Variants in MYRIP observed in about 807,000 individuals in gnomAD.
The protein encoded by MYRIP is rab effector MyRIP.
Under a neutral mutation model 98.0 loss-of-function variants are expected in MYRIP, and 49 were observed. The ratio of observed to expected loss-of-function variants is 0.50; its 90% confidence interval spans 0.40 to 0.63. The LOEUF is 0.63. Among genes scored for constraint, MYRIP ranks in the 30% least tolerant of loss-of-function variants. The pLI is 0.00. For missense variants in MYRIP, 1,004 were observed against 1,058.2 expected (o/e 0.95, Z 0.71); for synonymous variants, 404 against 409.5 (o/e 0.99, Z 0.16).
At chr3:40,105,370 G>T (rs1327912180) in intron 3 of MYRIP, among the ~76,000 whole-genome samples, 1 of 152,094 alleles carries the variant, frequency 6.6e-6, no homozygotes, top group Non-Finnish European at 1.5e-5. Context: ...GCTGAGACTG[G>T]GTAATTTATA....
At chr3:39,987,652 G>A (rs905844665) in intron 2 of MYRIP, among the ~76,000 whole-genome samples, 2 of 152,138 alleles carry the variant, frequency 1.3e-5, no homozygotes, top group African/African-American at 4.8e-5. Flanking sequence ...TTTATCCACA[G>A]CCTTGCCAGC....
chr3:39,946,971 G>T (rs978889706), intron 2 of MYRIP, among the ~76,000 whole-genome samples: 40 of 152,140 alleles, frequency 2.6e-4, no homozygotes, highest in African/African-American at 9.4e-4. Context: ...CGCTAAAGGC[G>T]AAAAGCATTA....
chr3:40,146,795 C>A (rs989871948), intron 3 of MYRIP, among the ~76,000 whole-genome samples: 6 of 152,108 alleles, frequency 3.9e-5, no homozygotes, highest in African/African-American at 1.4e-4. Flanking sequence ...ACACACCCCA[C>A]CACAAGTTCC....
intron 2 of MYRIP, among the ~76,000 whole-genome samples, chr3:40,040,904 C>T (rs369060072): frequency 0.028 from 2,008 of 72,416 alleles, 41 homozygotes; most frequent in Middle Eastern, 0.044. Context: ...GTGGGTGCAG[C>T]GCACCAGCAT....
At chr3:40,200,058 T>TA (rs913249085) in intron 10 of MYRIP, among the ~76,000 whole-genome samples, 2 of 150,824 alleles carry the variant, frequency 1.3e-5, no homozygotes, top group African/African-American at 4.9e-5. Flanking sequence ...CCTTCCAAGA[T>TA]AAACTCGTTG....
At chr3:39,910,537 C>G (rs1358233401) in intron 2 of MYRIP, among the ~76,000 whole-genome samples, 1 of 152,148 alleles carries the variant, frequency 6.6e-6, no homozygotes, top group South Asian at 2.1e-4. Context: ...GCATTAAGCA[C>G]TTTGAGTATG....
intron 1 of MYRIP, among the ~76,000 whole-genome samples, chr3:39,818,641 ATTGTTTCTT>A (rs1941003232): frequency 6.6e-6 from 1 of 152,094 alleles, no homozygotes; most frequent in Non-Finnish European, 1.5e-5. Flanking sequence ...TAGACTTTTG[ATTGTTTCTT>A]TAATTTTGGG....
At chr3:40,215,034 C>T (rs968411740) in intron 11 of MYRIP, among the ~76,000 whole-genome samples, 1 of 152,092 alleles carries the variant, frequency 6.6e-6, no homozygotes, top group Non-Finnish European at 1.5e-5. Context: ...ACATAAGTAT[C>T]ATTTGCAATA....
At chr3:40,153,554 C>CA (rs1455222352) in intron 4 of MYRIP, among the ~76,000 whole-genome samples, 1 of 152,218 alleles carries the variant, frequency 6.6e-6, no homozygotes, top group Admixed American at 6.5e-5. Flanking sequence ...TTAATTACTG[C>CA]TGAATTTTTG....
chr3:40,244,995 T>C (rs73827178), intron 13 of MYRIP, among the ~76,000 whole-genome samples: 11 of 152,186 alleles, frequency 7.2e-5, no homozygotes, highest in Non-Finnish European at 1.3e-4. Flanking sequence ...CATTATAGAC[T>C]GAAAGCTCCA....
At chr3:40,102,047 C>T (rs1476896918) in intron 3 of MYRIP, among the ~76,000 whole-genome samples, 2 of 152,184 alleles carry the variant, frequency 1.3e-5, no homozygotes, top group Non-Finnish European at 2.9e-5. Flanking sequence ...ATGCTCCAGT[C>T]TCCTACTGGG....
In MYRIP at chr3:40,003,172, G is replaced by T. The variant is rs1435024285; in HGVS notation, c.111-40878G>T. ...ACATCTATAGATATAAATACAGATA[G>T]ATATAAATACATATATAGATATCTA... On this transcript the variant is annotated intron_variant, in intron 2 of 16. Coordinates refer to ENST00000302541, the MANE Select transcript of MYRIP (RefSeq NM_015460.4). 2.0e-5 allele frequency among the ~76,000 whole-genome samples: 3 copies of T among 151,942 alleles called. No homozygotes were observed. The South Asian group carries it at 6.2e-4, about 31-fold the overall frequency.
intron 3 of MYRIP, among the ~76,000 whole-genome samples, chr3:40,057,262 A>G (rs1947904603): frequency 1.3e-5 from 2 of 152,280 alleles, no homozygotes; most frequent in Non-Finnish European, 2.9e-5. Context: ...GTCCTATGTC[A>G]AAAGCTGCCA....
intron 16 of MYRIP, among the ~76,000 whole-genome samples, chr3:40,255,021 G>C (rs1319094887): frequency 6.6e-6 from 1 of 152,118 alleles, no homozygotes; most frequent in Non-Finnish European, 1.5e-5. Flanking sequence ...ACATCCTTTT[G>C]AAATAAAAGT....
intron 12 of MYRIP, among the ~76,000 whole-genome samples, chr3:40,243,158 G>A (rs2125711909): frequency 6.6e-6 from 1 of 152,248 alleles, no homozygotes; most frequent in East Asian, 1.9e-4. Flanking sequence ...TGTATGACTG[G>A]TGAATCATTT....
intron 3 of MYRIP, among the ~76,000 whole-genome samples, chr3:40,139,782 G>T (rs979870928): frequency 5.3e-5 from 8 of 152,104 alleles, no homozygotes; most frequent in Non-Finnish European, 1.0e-4. Context: ...GTTTTGTCAT[G>T]TTGCCCAAGC....
intron 8 of MYRIP, among the ~76,000 whole-genome samples, chr3:40,172,780 C>A (rs1467406528): frequency 6.6e-6 from 1 of 152,168 alleles, no homozygotes; most frequent in African/African-American, 2.4e-5. Flanking sequence ...CTTCCTTCCC[C>A]CACACAGCCA....
intron 2 of MYRIP, among the ~76,000 whole-genome samples, chr3:39,960,516 C>T (rs145092138): frequency 0.015 from 2,222 of 152,202 alleles, 25 homozygotes; most frequent in Middle Eastern, 0.044. Context: ...AGTTGACCTG[C>T]TCTCTTGTTT....
Position 40,184,362 on chromosome 3 carries a change from T to TA in MYRIP, c.1027+1997dup, listed in dbSNP as rs897725388. Among the ~76,000 whole-genome samples the TA allele has an allele frequency of 1.8e-4, 27 of 152,154 alleles. 1 individual carries two copies. Among genetic ancestry groups the TA allele is most frequent in the African/African-American group, 3.1e-4 (13 of 41,528 alleles). On this transcript the variant is annotated intron_variant, in intron 9 of 16. Transcript: ENST00000302541. ...ACATACAGAGTCACTTAAAGTATAA[T>TA]AAAAAAAATACAGAGTCCATATGTA...
Sources: allele counts gnomAD v4.1 joint callset (sites outside exome capture counted in the v4.1 genomes callset), GRCh38; gene constraint gnomAD v4.1.1; transcripts MANE v1.5; gene names NCBI Gene and HGNC (gene_info 2026-07-23, HGNC 2026-07-21).